MYCBPAP: variants seen among roughly 807,000 people sequenced by gnomAD.
MYCBPAP encodes MYCBP-associated protein.
In MYCBPAP, 60 loss-of-function variants were observed where a neutral mutation model predicts 106.1. The observed-to-expected ratio is 0.57, with a 90% confidence interval of 0.46 to 0.70. The LOEUF (loss-of-function observed/expected upper bound fraction) is 0.70. Ranked by LOEUF, MYCBPAP falls within the 30% of genes least tolerant of loss-of-function variation. The pLI is 0.00. For synonymous variants in MYCBPAP, 407 were observed against 440.6 expected (o/e 0.92, Z 0.95); for missense variants, 1,064 against 1,169.3 (o/e 0.91, Z 1.31).
Position 50,525,962 on chromosome 17 carries a change from G to A in MYCBPAP, c.1864G>A (p.Ala622Thr), listed in dbSNP as rs1308164769. ...GACCCTGCCCGCCAAGGCTGAGGAG[G>A]CCAGGCCAGGGGACAAGGAGCACGT... Reference protein sequence around the residue: ...YMTLPAKAEEARPGDKEHVSP... With the variant: ...YMTLPAKAEETRPGDKEHVSP... Residue 622 changes from alanine (A) to threonine (T), a missense_variant, in exon 14 of 19, where the codon GCC becomes ACC. Ala to Thr is a moderately conservative substitution (Grantham distance 58). Transcript: ENST00000323776. 6.2e-7 allele frequency: 1 copy of A among 1,613,732 alleles called. No homozygotes were observed. Among genetic ancestry groups the A allele is most frequent in the Non-Finnish European group, 8.5e-7 (1 of 1,180,012 alleles).
rs535734771 is a variant in MYCBPAP, at chr17:50,531,434, G to T, written c.*6G>T. ...CTTTGCGCCTCTGCAGGTGACTCTC[G>T]GGCCCAAGCAACCTTCTGGAAAACG... On this transcript the variant is annotated 3_prime_UTR_variant, in exon 19 of 19. Transcript: ENST00000323776. 3 of 1,594,870 alleles carry T rather than the reference G, an allele frequency of 1.9e-6. No homozygotes were observed. The highest frequency in any genetic ancestry group is 2.3e-5 in the South Asian group (2 of 87,666).
intron 7 of MYCBPAP, 59 bp downstream of exon 7, chr17:50,519,846 T>A: frequency 6.4e-7 from 1 of 1,566,048 alleles, no homozygotes; most frequent in South Asian, 1.2e-5. Context: ...GGCAGGGTAG[T>A]GTGGAAGTGG....
intron 10 of MYCBPAP, 158 bp downstream of exon 10, chr17:50,522,239 G>A (rs2034285495): frequency 1.8e-5 from 10 of 559,580 alleles, no homozygotes; most frequent in South Asian, 1.7e-4. Flanking sequence ...ACACTGACTT[G>A]AGCAAGAATA....
intron 9 of MYCBPAP, 82 bp downstream of exon 9, chr17:50,521,513 T>A: frequency 9.2e-7 from 1 of 1,089,820 alleles, no homozygotes; most frequent in Non-Finnish European, 1.4e-6. Context: ...CTTCCCTCCC[T>A]GAGATCAGGG....
In MYCBPAP at chr17:50,508,874, A is replaced by T. The variant is rs975507521; in HGVS notation, c.76+124A>T. 1.1e-5 allele frequency: 10 copies of T among 926,148 alleles called. No individual in the cohort carries two copies. The Admixed American group carries it at 1.2e-4, about 11-fold the overall frequency. The allele number at this position is 926,148 out of a possible 1,614,324, so 57.4% of individuals were successfully genotyped here. On this transcript the variant is annotated intron_variant, in intron 1 of 18. Transcript: ENST00000323776. Reference sequence around the variant, plus strand: ...CAGGGATGGAGGAAAGATCACGGGGAAGTGGGGTACTGGGCATAGGACCCT... The same window carrying T: ...CAGGGATGGAGGAAAGATCACGGGGTAGTGGGGTACTGGGCATAGGACCCT...
Position 50,508,536 on chromosome 17 carries a change from T to C in MYCBPAP, c.-139T>C, listed in dbSNP as rs779296505. 1.9e-6 allele frequency: 3 copies of C among 1,538,462 alleles called. No individual in the cohort carries two copies. Among genetic ancestry groups the C allele is most frequent in the Non-Finnish European group, 2.6e-6 (3 of 1,143,804 alleles). On this transcript the variant is annotated 5_prime_UTR_variant, in exon 1 of 19. Coordinates refer to ENST00000323776, the MANE Select transcript of MYCBPAP (RefSeq NM_032133.6). ...GTTTCCAAGCCGTCTCCGCCCAAGTTGATCGGTGGATGCGCGCCCCCGCGC... is the reference window on the plus strand; with the variant it reads ...GTTTCCAAGCCGTCTCCGCCCAAGTCGATCGGTGGATGCGCGCCCCCGCGC...
At chr17:50,509,023 A>G (rs1292803350) in intron 1 of MYCBPAP, 2 of 702,798 alleles carry the variant, frequency 2.8e-6, no homozygotes, top group Non-Finnish European at 5.2e-6. Flanking sequence ...GCCTTGCGCT[A>G]CCTCTAACCA....
In MYCBPAP at chr17:50,521,459, G is replaced by A. The variant is rs781414376; in HGVS notation, c.1148+28G>A. 17 of 1,482,744 alleles carry A rather than the reference G, an allele frequency of 1.1e-5. No homozygotes were observed. The Admixed American group carries it at 3.2e-4, about 28-fold the overall frequency. 91.8% of individuals were successfully genotyped at this position (1,482,744 alleles called of 1,614,324 possible). On this transcript the variant is annotated intron_variant, in intron 9 of 18. Transcript: ENST00000323776. ...GAGTGCAGCCTGAACCCTGGGGAGA[G>A]AGGCTGAAGAGTTCTCCAGCACCTA...
Position 50,528,755 on chromosome 17 carries a change from A to G in MYCBPAP, c.2468A>G (p.Glu823Gly), listed in dbSNP as rs367809273. The change falls in exon 17 of 19, where the codon GAG becomes GGG. Residue 823 changes from glutamate to glycine, a missense_variant. Physicochemically the swap from Glu to Gly is moderately conservative, Grantham distance 98 (BLOSUM62 -2). Coordinates refer to ENST00000323776, the MANE Select transcript of MYCBPAP (RefSeq NM_032133.6). The part of the protein sequence containing the change: ...KVPVGKAGKE[E>G]RKGAAQEKKQ... ...CCTGTGGGGAAAGCTGGGAAGGAGG[A>G]GCGGAAAGGAGCAGCCCAGGAAAAG... 195 of 1,613,864 alleles carry G rather than the reference A, an allele frequency of 1.2e-4. No individual in the cohort carries two copies. The highest frequency in any genetic ancestry group is 1.6e-4 in the Non-Finnish European group (192 of 1,179,994).
chr17:50,511,436 C>T (rs1027667594), intron 1 of MYCBPAP, among the ~76,000 whole-genome samples: 2 of 152,188 alleles, frequency 1.3e-5, no homozygotes, highest in Admixed American at 6.5e-5. Context: ...CCATGGTTCC[C>T]CCAGCCCAAC....
In MYCBPAP at chr17:50,528,791, G is replaced by A. The variant is rs750317269; in HGVS notation, c.2504G>A (p.Gly835Glu). 5.6e-6 allele frequency: 9 copies of A among 1,613,908 alleles called. No homozygotes were observed. The highest frequency in any genetic ancestry group is 7.6e-6 in the Non-Finnish European group (9 of 1,180,016). The change falls in exon 17 of 19, where the codon GGG becomes GAG. Residue 835 changes from glycine to glutamate, a missense_variant. Physicochemically the swap from Gly to Glu is moderately conservative, Grantham distance 98 (BLOSUM62 -2). Transcript: ENST00000323776. ...KGAAQEKKQLGIKDKEDKKGA... is the reference protein window; with the variant it reads ...KGAAQEKKQLEIKDKEDKKGA... ...GCAGCCCAGGAAAAGAAGCAACTGG[G>A]GATCAAAGACAAAGAAGACAAGAAA...
Position 50,526,062 on chromosome 17 carries a change from C to G in MYCBPAP, c.1964C>G (p.Thr655Ser), listed in dbSNP as rs2034447490. The G allele has an allele frequency of 2.5e-6, 4 of 1,613,832 alleles. No individual in the cohort carries two copies. The highest frequency in any genetic ancestry group is 1.3e-5 in the African/African-American group (1 of 74,920). ...LPRFRSPISE[T>S]QVPRPENEAL... The stretch of plus-strand genomic sequence containing the variant: ...CGCTTTAGGAGCCCCATCTCCGAAA[C>G]TCAAGTGCCCCGGCCTGAGAACGAG... Residue 655 changes from threonine (T) to serine (S), a missense_variant, in exon 14 of 19, where the codon ACT becomes AGT. Transcript: ENST00000323776.
Position 50,523,669 on chromosome 17 carries a change from A to G in MYCBPAP, c.1520A>G (p.Glu507Gly). ...TCTTTGACTGCTGGGGTCTTCAGGG[A>G]ATTTTGGGAGTTTCGAACCCATCCT... ...FKSLTAGVFR[E>G]FWEFRTHPTL... Residue 507 changes from glutamate to glycine, a missense_variant, in exon 12 of 19, where the codon GAA becomes GGA. Physicochemically the swap from Glu to Gly is moderately conservative, Grantham distance 98. Coordinates refer to ENST00000323776, the MANE Select transcript of MYCBPAP (RefSeq NM_032133.6). 2 of 1,614,074 alleles carry G rather than the reference A, an allele frequency of 1.2e-6. No individual in the cohort carries two copies. The highest frequency in any genetic ancestry group is 1.7e-6 in the Non-Finnish European group (2 of 1,180,022).
rs1247670428 is a variant in MYCBPAP at position 50,523,607 on chromosome 17, G to A, written c.1458G>A (p.Leu486=). 6.2e-7 allele frequency: 1 copy of A among 1,614,194 alleles called. No individual in the cohort carries two copies. The highest frequency in any genetic ancestry group is 2.2e-5 in the East Asian group (1 of 44,884). ...FYFDNREGVI[L]PGEIKTFTFF... is the part of the protein sequence containing the mutation. The stretch of plus-strand genomic sequence containing the variant: ...CTCTGTCCCTCTCAGGTGTGATTCT[G>A]CCTGGAGAAATTAAAACATTTACCT... The change falls in exon 12 of 19, where the codon CTG becomes CTA. Residue 486 remains leucine, a synonymous_variant. Coordinates refer to ENST00000323776, the MANE Select transcript of MYCBPAP (RefSeq NM_032133.6).
chr17:50,508,553 C>T lies in MYCBPAP; in HGVS notation c.-122C>T, dbSNP rs780536188. 1.9e-6 allele frequency: 3 copies of T among 1,543,790 alleles called. No individual in the cohort carries two copies. The highest frequency in any genetic ancestry group is 2.4e-5 in the South Asian group (2 of 84,098). ...GCCCAAGTTGATCGGTGGATGCGCG[C>T]CCCCGCGCGGGGCACCGGTTGCTGT... is the stretch of plus-strand genomic sequence containing the variant. On this transcript the variant is annotated 5_prime_UTR_variant, in exon 1 of 19. Coordinates refer to ENST00000323776, the MANE Select transcript of MYCBPAP (RefSeq NM_032133.6).
At chr17:50,524,066 T>A (rs2034371409) in intron 12 of MYCBPAP, among the ~76,000 whole-genome samples, 1 of 152,250 alleles carries the variant, frequency 6.6e-6, no homozygotes. Context: ...GACTGTAAAG[T>A]ACAATGTGTG....
intron 1 of MYCBPAP, among the ~76,000 whole-genome samples, chr17:50,513,826 G>T (rs2033946328): frequency 6.6e-6 from 1 of 152,180 alleles, no homozygotes; most frequent in African/African-American, 2.4e-5. Flanking sequence ...ACCCACTTTG[G>T]TGAGTTTGTG....
At chr17:50,513,215 T>C (rs570413554) in intron 1 of MYCBPAP, among the ~76,000 whole-genome samples, 204 of 74,216 alleles carry the variant, frequency 2.7e-3, no homozygotes, top group Non-Finnish European at 3.5e-3. Context: ...TGAAACTCCA[T>C]CTCAAAAAAA....
chr17:50,515,096 AC>A (rs2033996578), intron 1 of MYCBPAP: 2 of 194,286 alleles, frequency 1.0e-5, no homozygotes, highest in Admixed American at 6.0e-5. Flanking sequence ...ATTCTTTGCC[AC>A]TATGCCTCTT....
Sources: gnomAD v4.1 joint callset for allele counts (sites outside exome capture counted in the v4.1 genomes callset) on GRCh38, gnomAD v4.1.1 for gene constraint, MANE v1.5 for transcripts, NCBI Gene and HGNC (gene_info 2026-07-23, HGNC 2026-07-21) for gene names.